CRB1: variants seen among roughly 807,000 people sequenced by gnomAD.
The protein encoded by CRB1 is crumbs cell polarity complex component 1.
Under a neutral mutation model 120.0 loss-of-function variants are expected in CRB1, and 83 were observed. The ratio of observed to expected loss-of-function variants is 0.69; its 90% CI spans 0.58 to 0.83. The LOEUF (loss-of-function observed/expected upper bound fraction) is 0.83. CRB1 is among the 40% of genes least tolerant of loss of function. The pLI is 0.00. For missense variants in CRB1, 1,699 were observed against 1,687.6 expected (o/e 1.01, Z -0.12); for synonymous variants, 625 against 612.5 (o/e 1.02, Z -0.30).
At chr1:197,469,967 G>C (rs1330513745) in intron 11 of CRB1, among the ~76,000 whole-genome samples, 1 of 152,104 alleles carries the variant, frequency 6.6e-6, no homozygotes, top group African/African-American at 2.4e-5. Flanking sequence ...TCCAATTCCT[G>C]CCAGCAGCAC....
chr1:197,252,582 A>ATATATGTG, the CRB1 span, among the ~76,000 whole-genome samples: 49 of 15,454 alleles, frequency 3.2e-3, no homozygotes, highest in Admixed American at 0.01. Flanking sequence ...ATATATATAT[A>ATATATGTG]TGTGTGTGTG....
chr1:197,417,237 T>TG (rs1664053277), intron 5 of CRB1, among the ~76,000 whole-genome samples: 2 of 152,132 alleles, frequency 1.3e-5, no homozygotes, highest in South Asian at 4.1e-4. Flanking sequence ...AAACTTAGAC[T>TG]AGATTCTCCA....
chr1:197,399,734 A>G (rs1437483219), intron 5 of CRB1, among the ~76,000 whole-genome samples: 2 of 152,234 alleles, frequency 1.3e-5, no homozygotes, highest in Admixed American at 6.5e-5. Flanking sequence ...GTCTCCTCTG[A>G]TGGCTCAACA....
chr1:197,205,639 AT>A, the CRB1 span, among the ~76,000 whole-genome samples: 1 of 152,010 alleles, frequency 6.6e-6, no homozygotes, highest in Non-Finnish European at 1.5e-5. Flanking sequence ...ATGCTGTTGG[AT>A]TTGGTTAACT....
chr1:197,389,464 C>T (rs1000640637), intron 5 of CRB1, among the ~76,000 whole-genome samples: 9 of 151,902 alleles, frequency 5.9e-5, no homozygotes, highest in Non-Finnish European at 1.0e-4. Flanking sequence ...TTTATTATTC[C>T]TTTTATAAAG....
chr1:197,355,881 A>G (rs999899767), intron 4 of CRB1, among the ~76,000 whole-genome samples: 2 of 152,266 alleles, frequency 1.3e-5, no homozygotes, highest in Non-Finnish European at 2.9e-5. Context: ...AAGCGTGGCC[A>G]GAGTGGGTGC....
intron 10 of CRB1, chr1:197,441,058 C>T (rs1256148362): frequency 2.0e-5 from 3 of 152,248 alleles, no homozygotes; most frequent in South Asian, 2.1e-4. Context: ...CACTACCTCA[C>T]CCCCTTTCAT....
chr1:197,222,686 TCAGGAAAA>T, the CRB1 span: 3 of 793,532 alleles, frequency 3.8e-6, no homozygotes, highest in Admixed American at 3.4e-5. Context: ...ATTACTTGTT[TCAGGAAAA>T]CTCCATTCTC....
At chr1:197,331,050 C>T (rs1234047826) in intron 2 of CRB1, among the ~76,000 whole-genome samples, 2 of 151,858 alleles carry the variant, frequency 1.3e-5, no homozygotes, top group Non-Finnish European at 2.9e-5. Context: ...GGTGTGGTGG[C>T]GGGCGCCTGT....
At chr1:197,425,890 C>T (rs968228401) in intron 6 of CRB1, among the ~76,000 whole-genome samples, 1 of 151,904 alleles carries the variant, frequency 6.6e-6, no homozygotes, top group Non-Finnish European at 1.5e-5. Context: ...TGTATGCCCC[C>T]TCCAAATCTC....
At chr1:197,303,107 TTTTATTTATTTA>T (rs145037589) in intron 1 of CRB1, among the ~76,000 whole-genome samples, 8 of 151,288 alleles carry the variant, frequency 5.3e-5, no homozygotes, top group African/African-American at 1.2e-4. Flanking sequence ...CCAATTATTC[TTTTATTTATTTA>T]TTTATTTATT....
intron 1 of CRB1, among the ~76,000 whole-genome samples, chr1:197,269,422 T>C (rs565881074): frequency 2.1e-4 from 32 of 152,332 alleles, no homozygotes; most frequent in African/African-American, 7.7e-4. Flanking sequence ...AAGTAAATGC[T>C]GTGGGTAGGT....
the CRB1 span, chr1:197,222,188 T>A: frequency 2.3e-6 from 1 of 435,756 alleles, no homozygotes. Context: ...GGCCCGCTCC[T>A]TGTTGCCCTG....
intron 11 of CRB1, among the ~76,000 whole-genome samples, chr1:197,475,196 A>G (rs1667148391): frequency 6.6e-6 from 1 of 152,186 alleles, no homozygotes; most frequent in South Asian, 2.1e-4. Flanking sequence ...CTAATGATCT[A>G]ATAGTACTAT....
the CRB1 span, chr1:197,222,300 A>G: frequency 7.5e-4 from 501 of 667,186 alleles, 2 homozygotes; most frequent in Non-Finnish European, 3.8e-4. Flanking sequence ...TGTTATTTTC[A>G]GAAATGGAAA....
At chr1:197,417,032 T>C (rs1299442822) in intron 5 of CRB1, among the ~76,000 whole-genome samples, 3 of 152,166 alleles carry the variant, frequency 2.0e-5, no homozygotes, top group Non-Finnish European at 2.9e-5. Context: ...ATGTCAGGGA[T>C]GTGTGAAAAT....
intron 11 of CRB1, among the ~76,000 whole-genome samples, chr1:197,462,639 G>A (rs1490897795): frequency 1.3e-5 from 2 of 152,146 alleles, no homozygotes; most frequent in Non-Finnish European, 2.9e-5. Flanking sequence ...AAGAGGATTA[G>A]CTGCCTTTTC....
At chr1:197,320,985 C>T (rs1174710435) in intron 1 of CRB1, among the ~76,000 whole-genome samples, 1 of 152,212 alleles carries the variant, frequency 6.6e-6, no homozygotes, top group African/African-American at 2.4e-5. Context: ...AGGATGTCAG[C>T]AACCATGCAT....
chr1:197,370,872 C>T (rs1202039216), intron 5 of CRB1, among the ~76,000 whole-genome samples: 2 of 152,164 alleles, frequency 1.3e-5, no homozygotes, highest in South Asian at 2.1e-4. Flanking sequence ...GTGTAGACAA[C>T]CGATACAAAC....
Sources: gnomAD v4.1 joint callset for allele counts (sites outside exome capture counted in the v4.1 genomes callset) on GRCh38, gnomAD v4.1.1 for gene constraint, MANE v1.5 for transcripts, NCBI Gene and HGNC (gene_info 2026-07-23, HGNC 2026-07-21) for gene names.